Variants in MTHFD1L observed in about 807,000 individuals in gnomAD.
MTHFD1L encodes monofunctional C1-tetrahydrofolate synthase, mitochondrial.
In MTHFD1L, 81 loss-of-function variants were observed where a neutral mutation model predicts 119.5. That is an observed-to-expected ratio of 0.68 (90% CI 0.57 to 0.82). The LOEUF (loss-of-function observed/expected upper bound fraction) is 0.82, where lower values mean the gene tolerates loss of function less well. MTHFD1L is among the 40% of genes least tolerant of loss of function. The pLI, the probability that MTHFD1L is intolerant of heterozygous loss-of-function variation, is 0.00. For synonymous variants in MTHFD1L, 430 were observed against 475.2 expected, an observed-to-expected ratio of 0.90 and a Z score of 1.24; for missense variants, 1,125 against 1,253.4, an observed-to-expected ratio of 0.90 and a Z score of 1.55.
At chr6:150,896,979 T>C (rs1334406710) in intron 7 of MTHFD1L, among the ~76,000 whole-genome samples, 1 of 151,220 alleles carries the variant, frequency 6.6e-6, no homozygotes, top group Non-Finnish European at 1.5e-5. Flanking sequence ...TAGCAGGGTG[T>C]GGTGGCAGGC....
At chr6:150,912,776 C>G (rs1416981150) in intron 8 of MTHFD1L, 1 of 449,948 alleles carries the variant, frequency 2.2e-6, no homozygotes, top group African/African-American at 2.0e-5. Context: ...GTGAAAAGAC[C>G]CGTCCACGGT....
intron 26 of MTHFD1L, among the ~76,000 whole-genome samples, chr6:151,085,904 G>T (rs563374083): frequency 6.6e-6 from 1 of 151,970 alleles, no homozygotes; most frequent in Admixed American, 6.5e-5. Context: ...CTGGGTCCTG[G>T]TCACCTGGGT....
At chr6:150,956,169 T>G in intron 17 of MTHFD1L, 98 bp downstream of exon 17, 4 of 1,211,274 alleles carry the variant, frequency 3.3e-6, no homozygotes, top group Non-Finnish European at 4.9e-6. Context: ...ATCCCCAACC[T>G]GTTGTGGCCA....
At chr6:150,935,010 C>G in intron 11 of MTHFD1L, 2 of 1,607,724 alleles carry the variant, frequency 1.2e-6, no homozygotes, top group Non-Finnish European at 8.5e-7. Flanking sequence ...CCTGTCCAAC[C>G]TGCCTTCATT....
At chr6:150,903,395 T>C (rs987481910) in intron 7 of MTHFD1L, among the ~76,000 whole-genome samples, 4 of 151,778 alleles carry the variant, frequency 2.6e-5, no homozygotes, top group Admixed American at 1.3e-4. Flanking sequence ...AGAATGGTTA[T>C]TTAGCAAATG....
At chr6:150,972,872 A>G (rs1384703450) in intron 20 of MTHFD1L, among the ~76,000 whole-genome samples, 1 of 152,220 alleles carries the variant, frequency 6.6e-6, no homozygotes, top group Admixed American at 6.5e-5. Flanking sequence ...GCTGCTGTCA[A>G]GTTCTTTGCA....
At chr6:151,018,010 C>A (rs550936501) in intron 24 of MTHFD1L, among the ~76,000 whole-genome samples, 2 of 151,964 alleles carry the variant, frequency 1.3e-5, no homozygotes, top group South Asian at 4.2e-4. Flanking sequence ...TTTTTAAGCA[C>A]ATGTCGATGG....
At chr6:151,072,252 A>ATCCGGGGGGC (rs1792032962) in intron 26 of MTHFD1L, among the ~76,000 whole-genome samples, 1 of 152,206 alleles carries the variant, frequency 6.6e-6, no homozygotes, top group Admixed American at 6.5e-5. Context: ...TAGGTTTAGA[A>ATCCGGGGGGC]AGCAATTTCA....
At chr6:151,059,692 C>T (rs747792840) in intron 26 of MTHFD1L, among the ~76,000 whole-genome samples, 22 of 151,938 alleles carry the variant, frequency 1.4e-4, no homozygotes, top group Non-Finnish European at 3.1e-4. Context: ...CGGAGACTGG[C>T]GTTTCCCAGA....
At chr6:150,960,966 T>C (rs1361307369) in intron 18 of MTHFD1L, among the ~76,000 whole-genome samples, 1 of 152,226 alleles carries the variant, frequency 6.6e-6, no homozygotes, top group African/African-American at 2.4e-5. Flanking sequence ...CTTTGAGTAG[T>C]TGTGGTGCTT....
At position 150,868,339 on chromosome 6, in the gene MTHFD1L, A is replaced by AT. The variant is rs34073444; in HGVS notation, c.227+2308dup. On this transcript the variant is annotated intron_variant, in intron 1 of 27. Transcript: ENST00000367321. ...GTCCCTCAACAAATGGTGGCTATTA[A>AT]TTTTTTTTTTTTTTTTTTGAGACGG... Among the ~76,000 whole-genome samples, 794 of 136,672 alleles carry AT rather than the reference A, an allele frequency of 5.8e-3. 9 individuals are homozygous for AT. The highest frequency in any genetic ancestry group is 0.012 in the African/African-American group (450 of 36,206). 89.7% of individuals were successfully genotyped at this position (136,672 alleles called of 152,430 possible).
chr6:150,966,263 TATC>T (rs910903874), intron 19 of MTHFD1L, among the ~76,000 whole-genome samples: 10 of 152,044 alleles, frequency 6.6e-5, no homozygotes, highest in African/African-American at 2.2e-4. Flanking sequence ...TCAGGAAACT[TATC>T]ATGGTGGAAG....
At chr6:150,905,113 A>G (rs2128844333) in intron 7 of MTHFD1L, among the ~76,000 whole-genome samples, 1 of 135,032 alleles carries the variant, frequency 7.4e-6, no homozygotes. Context: ...GGCTCACTGC[A>G]ACCTCTGCCT....
chr6:150,990,142 G>A (rs754928958), intron 20 of MTHFD1L, among the ~76,000 whole-genome samples: 2 of 152,062 alleles, frequency 1.3e-5, no homozygotes, highest in Non-Finnish European at 2.9e-5. Flanking sequence ...AGCCAGGTGA[G>A]GTGGTGCGTG....
intron 26 of MTHFD1L, among the ~76,000 whole-genome samples, chr6:151,080,162 A>C (rs1481504510): frequency 6.6e-6 from 1 of 152,078 alleles, no homozygotes; most frequent in African/African-American, 2.4e-5. Context: ...TGGATGACGG[A>C]GTGAGACTCT....
intron 20 of MTHFD1L, among the ~76,000 whole-genome samples, chr6:151,008,438 A>G (rs547767236): frequency 9.8e-4 from 149 of 152,366 alleles, no homozygotes; most frequent in Non-Finnish European, 1.1e-3. Flanking sequence ...ATGGACAATC[A>G]TCTCACCTGG....
intron 26 of MTHFD1L, among the ~76,000 whole-genome samples, chr6:151,048,025 C>A (rs1271259072): frequency 1.3e-5 from 2 of 152,072 alleles, no homozygotes; most frequent in Non-Finnish European, 2.9e-5. Flanking sequence ...TTTAAACAAC[C>A]AGATCTCATG....
intron 26 of MTHFD1L, among the ~76,000 whole-genome samples, chr6:151,043,464 ACCATGTTGG>A (rs1467206933): frequency 6.6e-6 from 1 of 151,884 alleles, no homozygotes; most frequent in African/African-American, 2.4e-5. Flanking sequence ...CTGGGGTCTC[ACCATGTTGG>A]CCAGGCTGGT....
At chr6:150,979,647 C>G (rs1189486347) in intron 20 of MTHFD1L, among the ~76,000 whole-genome samples, 1 of 152,018 alleles carries the variant, frequency 6.6e-6, no homozygotes, top group Non-Finnish European at 1.5e-5. Context: ...ATTACAGGCA[C>G]GCACCACCAT....
Sources: allele counts gnomAD v4.1 joint callset (sites outside exome capture counted in the v4.1 genomes callset), GRCh38; gene constraint gnomAD v4.1.1; transcripts MANE v1.5; gene names NCBI Gene and HGNC (gene_info 2026-07-23, HGNC 2026-07-21).